The following EDIL3 variants were observed in gnomAD, a reference collection of about 807,000 sequenced individuals.
The protein encoded by EDIL3 is EGF-like repeat and discoidin I-like domain-containing protein 3.
EDIL3 carries 37 observed loss-of-function variants against 67.4 expected under a neutral mutation model. That is an observed-to-expected ratio of 0.55 (90% CI 0.42 to 0.72). The LOEUF is 0.72. Among genes scored for constraint, EDIL3 ranks in the 30% least tolerant of loss-of-function variants. The probability of loss-of-function intolerance (pLI) is 0.00; values close to 1 mark genes in which losing one functional copy is unlikely to be tolerated. For synonymous variants in EDIL3, 195 were observed against 196.3 expected, an observed-to-expected ratio of 0.99 and a Z score of 0.05; for missense variants, 527 against 586.3, an observed-to-expected ratio of 0.90 and a Z score of 1.04.
chr5:84,153,231 T>C (rs1232243364), intron 4 of EDIL3, among the ~76,000 whole-genome samples: 1 of 152,212 alleles, frequency 6.6e-6, no homozygotes, highest in Non-Finnish European at 1.5e-5. Context: ...GTTTTAGCCA[T>C]TAAGGCTGCT....
chr5:84,300,733 T>G (rs1580063975), intron 1 of EDIL3, among the ~76,000 whole-genome samples: 1 of 152,302 alleles, frequency 6.6e-6, no homozygotes, highest in South Asian at 2.1e-4. Context: ...CCATTTATAA[T>G]TGCCTCAAAA....
intron 4 of EDIL3, among the ~76,000 whole-genome samples, chr5:84,161,307 TA>T (rs1357670851): frequency 6.6e-6 from 1 of 152,102 alleles, no homozygotes; most frequent in Non-Finnish European, 1.5e-5. Context: ...TTCCTTTGAC[TA>T]GCTTCAAGAC....
chr5:84,003,266 T>C (rs1236107238), intron 9 of EDIL3, among the ~76,000 whole-genome samples: 1 of 152,116 alleles, frequency 6.6e-6, no homozygotes, highest in African/African-American at 2.4e-5. Context: ...GTTCTGTATT[T>C]CCATGGGGTG....
chr5:84,166,630 A>G (rs1273779330), intron 4 of EDIL3, among the ~76,000 whole-genome samples: 1 of 152,194 alleles, frequency 6.6e-6, no homozygotes, highest in Non-Finnish European at 1.5e-5. Flanking sequence ...ATTAAAACAT[A>G]AATATAAAAT....
At chr5:84,160,182 A>T (rs1244000832) in intron 4 of EDIL3, among the ~76,000 whole-genome samples, 1 of 152,166 alleles carries the variant, frequency 6.6e-6, no homozygotes, top group African/African-American at 2.4e-5. Flanking sequence ...GCCTCTGTCA[A>T]TACATGAGGT....
At chr5:84,214,760 C>T (rs1744192617) in intron 3 of EDIL3, among the ~76,000 whole-genome samples, 2 of 151,948 alleles carry the variant, frequency 1.3e-5, no homozygotes, top group South Asian at 4.1e-4. Flanking sequence ...CTATGTCACC[C>T]AGGCTGGAGT....
At chr5:84,033,832 T>G (rs1227570737) in intron 9 of EDIL3, among the ~76,000 whole-genome samples, 3 of 151,910 alleles carry the variant, frequency 2.0e-5, no homozygotes, top group African/African-American at 7.3e-5. Context: ...ATAGTTACAC[T>G]CTGTGGGATA....
chr5:84,371,448 TATAGAGAGAGAGAG>T (rs1210046773), intron 1 of EDIL3, among the ~76,000 whole-genome samples: 4 of 93,234 alleles, frequency 4.3e-5, no homozygotes, highest in African/African-American at 5.0e-5. Flanking sequence ...TATATATATA[TATAGAGAGAGAGAG>T]AGAGAGAGAG....
chr5:84,024,966 A>ATC (rs371274997), intron 9 of EDIL3, among the ~76,000 whole-genome samples: 5 of 151,624 alleles, frequency 3.3e-5, no homozygotes, highest in East Asian at 1.9e-4. Flanking sequence ...AAGAAGAGCT[A>ATC]TCTCTCTCTC....
At chr5:84,097,544 G>C (rs944409732) in intron 6 of EDIL3, among the ~76,000 whole-genome samples, 20 of 152,142 alleles carry the variant, frequency 1.3e-4, no homozygotes, top group Non-Finnish European at 2.9e-5. Flanking sequence ...CATATGTTTT[G>C]TGTTATGTTT....
At chr5:83,993,257 C>T (rs756381335) in intron 9 of EDIL3, among the ~76,000 whole-genome samples, 10 of 152,302 alleles carry the variant, frequency 6.6e-5, no homozygotes, top group East Asian at 1.9e-4. Flanking sequence ...ACTGCACCCT[C>T]GACCTCCTCG....
intron 1 of EDIL3, among the ~76,000 whole-genome samples, chr5:84,302,782 T>C (rs767586737): frequency 1.3e-5 from 2 of 152,156 alleles, no homozygotes; most frequent in African/African-American, 2.4e-5. Context: ...TTGGGGCCCA[T>C]GGAAACAATA....
intron 4 of EDIL3, among the ~76,000 whole-genome samples, chr5:84,153,715 G>A (rs961086126): frequency 2.3e-4 from 35 of 152,064 alleles, no homozygotes; most frequent in African/African-American, 5.3e-4. Flanking sequence ...CACCCACCTC[G>A]GCCTCCCAAA....
At chr5:84,241,821 T>C (rs1191606229) in intron 2 of EDIL3, among the ~76,000 whole-genome samples, 1 of 152,042 alleles carries the variant, frequency 6.6e-6, no homozygotes, top group African/African-American at 2.4e-5. Context: ...AGCTTTAAAA[T>C]AGTATATAAG....
Position 83,963,321 on chromosome 5 carries a change from T to G in EDIL3, c.1177A>C (p.Thr393Pro). 1 of 1,609,292 alleles carries G rather than the reference T, an allele frequency of 6.2e-7. No individual in the cohort carries two copies. The highest frequency in any genetic ancestry group is 8.5e-7 in the Non-Finnish European group (1 of 1,177,392). Residue 393 changes from threonine to proline, a missense_variant, in exon 10 of 11, where the codon ACA becomes CCA. This residue lies in a region of EDIL3 where 494 missense variants were observed against 522.5 expected (regional missense o/e 0.95). Transcript: ENST00000296591. ...TGACCAAAATCTTTAGCTCCTTGTG[T>G]AATGATGCCAGTCACTTTGGTTGGA... Reference protein sequence around the residue: ...LVPTKVTGIITQGAKDFGHVQ... With the variant: ...LVPTKVTGIIPQGAKDFGHVQ...
Position 83,956,087 on chromosome 5 carries a change from C to T in EDIL3, c.1293+7118G>A, listed in dbSNP as rs985272974. Among the ~76,000 whole-genome samples, 4 of 151,882 alleles carry T rather than the reference C, an allele frequency of 2.6e-5. 1 individual carries two copies. Among genetic ancestry groups the T allele is most frequent in the African/African-American group, 9.6e-5 (4 of 41,508 alleles). On this transcript the variant is annotated intron_variant, in intron 10 of 10. Transcript: ENST00000296591. ...TGGCTAATGAGTCACTCTGGTTTGT[C>T]TTTCATTTCCAGCATGTAGCTAGTT...
chr5:84,176,791 G>A (rs556077436), intron 4 of EDIL3, among the ~76,000 whole-genome samples: 34 of 146,462 alleles, frequency 2.3e-4, no homozygotes, highest in Non-Finnish European at 4.2e-4. Context: ...GAGCGCATGC[G>A]TGTGTTTCAC....
rs571809768 is a variant in EDIL3 at position 84,229,946 on chromosome 5, G to A, written c.197-62C>T. The stretch of plus-strand genomic sequence containing the variant: ...AGAAGTGAAGGGAGGGAGAAGGGGG[G>A]AGAGAGAAAGAAAGAGAAAAAGAGA... On this transcript the variant is annotated intron_variant, in intron 2 of 10. Transcript: ENST00000296591. The A allele has an allele frequency of 4.6e-5, 61 of 1,319,432 alleles. No individual in the cohort carries two copies. The African/African-American group carries it at 7.9e-4, about 17-fold the overall frequency. The allele number at this position is 1,319,432 out of a possible 1,614,324, so 81.7% of individuals were successfully genotyped here. A position where few individuals can be genotyped will look rare whatever the true frequency, so the allele number is the denominator to read the frequency against.
At chr5:84,094,876 A>G (rs1439231725) in intron 6 of EDIL3, among the ~76,000 whole-genome samples, 1 of 152,248 alleles carries the variant, frequency 6.6e-6, no homozygotes, top group Non-Finnish European at 1.5e-5. Flanking sequence ...ATAGCCATTT[A>G]GAAACATTAA....
Sources: allele counts gnomAD v4.1 joint callset (sites outside exome capture counted in the v4.1 genomes callset), GRCh38; gene constraint gnomAD v4.1.1; regional missense constraint gnomAD v4.1.1; transcripts MANE v1.5; gene names NCBI Gene and HGNC (gene_info 2026-07-23, HGNC 2026-07-21).